Variants in ITPR1 observed in about 807,000 individuals in gnomAD.
The protein encoded by ITPR1 is inositol 1,4,5-trisphosphate receptor type 1, also known as inositol 1,4,5-trisphosphate-gated calcium channel ITPR1.
ITPR1 carries 96 observed loss-of-function variants against 318.4 expected under a neutral mutation model. The observed-to-expected ratio is 0.30, with a 90% CI of 0.26 to 0.36. The LOEUF (loss-of-function observed/expected upper bound fraction) is 0.36, where lower values mean the gene tolerates loss of function less well. Ranked by LOEUF, ITPR1 falls within the 10% of genes least tolerant of loss-of-function variation. The pLI is 1.00. For missense variants in ITPR1, 2,440 were observed against 3,460.2 expected (o/e 0.71, Z 7.40); for synonymous variants, 1,312 against 1,289.9 (o/e 1.02, Z -0.37).
chr3:4,690,757 T>C (rs1277431713), intron 31 of ITPR1, among the ~76,000 whole-genome samples: 1 of 152,176 alleles, frequency 6.6e-6, no homozygotes, highest in African/African-American at 2.4e-5. Context: ...GCAATGGAAC[T>C]TACATATCAG....
intron 3 of ITPR1, among the ~76,000 whole-genome samples, chr3:4,519,342 T>A (rs956634678): frequency 1.3e-5 from 2 of 152,204 alleles, no homozygotes; most frequent in African/African-American, 2.4e-5. Flanking sequence ...TTCATCTGCC[T>A]CAGCCTCCCA....
chr3:4,814,324 T>C lies in ITPR1; in HGVS notation c.7562-99T>C, dbSNP rs2049140962. 9.6e-6 allele frequency: 12 copies of C among 1,246,684 alleles called. No homozygotes were observed. The East Asian group carries it at 2.3e-4, about 24-fold the overall frequency. The allele number at this position is 1,246,684 out of a possible 1,614,324, so 77.2% of individuals were successfully genotyped here. ...TTGATTCCTTAATTTTATTCTTTCG[T>C]GTGCCTGGTGAGATGGCATTCAGGA... On this transcript the variant is annotated intron_variant, in intron 57 of 61. Coordinates refer to ENST00000649015, the MANE Select transcript of ITPR1 (RefSeq NM_001378452.1).
intron 14 of ITPR1, 52 bp downstream of exon 14, chr3:4,661,139 A>G (rs1345713516): frequency 9.4e-7 from 1 of 1,065,574 alleles, no homozygotes; most frequent in Admixed American, 1.8e-5. Flanking sequence ...TCCTAATGAA[A>G]GGGCTCCTTT....
At chr3:4,549,026 T>C (rs974311042) in intron 4 of ITPR1, among the ~76,000 whole-genome samples, 1 of 152,046 alleles carries the variant, frequency 6.6e-6, no homozygotes, top group Admixed American at 6.5e-5. Flanking sequence ...GGTCACAGAG[T>C]GCAAACAACA....
intron 40 of ITPR1, among the ~76,000 whole-genome samples, chr3:4,720,965 T>C (rs995794295): frequency 6.6e-6 from 1 of 151,972 alleles, no homozygotes; most frequent in African/African-American, 2.4e-5. Flanking sequence ...CTTTTTTTCC[T>C]GGAATTTAGG....
chr3:4,745,643 G>C (rs528119635), intron 44 of ITPR1, among the ~76,000 whole-genome samples: 174 of 152,186 alleles, frequency 1.1e-3, no homozygotes, highest in African/African-American at 3.9e-3. Context: ...GATCCCCTTG[G>C]GTAATCTCAT....
chr3:4,634,451 A>T (rs755892421), intron 5 of ITPR1, among the ~76,000 whole-genome samples: 1 of 151,808 alleles, frequency 6.6e-6, no homozygotes, highest in African/African-American at 2.4e-5. Flanking sequence ...AGCTGAAGCA[A>T]TCCACCCACC....
In ITPR1 at chr3:4,733,116, A is replaced by G. The variant is rs1405881173; in HGVS notation, c.5249A>G (p.Asn1750Ser). 1.2e-6 allele frequency: 2 copies of G among 1,613,528 alleles called. No individual in the cohort carries two copies. The highest frequency in any genetic ancestry group is 1.3e-5 in the African/African-American group (1 of 74,936). Reference sequence around the variant, plus strand: ...GAGGCGCTCAGGCAAGTTCTGGTCAACCGTTACTATGGAAACGTCAGACCT... The same window carrying G: ...GAGGCGCTCAGGCAAGTTCTGGTCAGCCGTTACTATGGAAACGTCAGACCT... ...RGEALRQVLV[N>S]RYYGNVRPSG... Residue 1750 changes from asparagine to serine, a missense_variant, in exon 43 of 62, where the codon AAC (asparagine) becomes AGC (serine). Asn to Ser is a conservative substitution (Grantham distance 46). Around this residue, in one of 23 missense-constraint regions of ITPR1, gnomAD observed 166 missense variants for 143.7 expected, o/e 1.16. Coordinates refer to ENST00000649015, the MANE Select transcript of ITPR1 (RefSeq NM_001378452.1).
At position 4,826,828 on chromosome 3, in the gene ITPR1, G is replaced by C. The variant is rs1186283321; in HGVS notation, c.8028+8586G>C. ...ACATTCTGACCTTCGTGGAGGGTGT[G>C]CCAGGTGCCGTTTGTAACAATGAGT... On this transcript the variant is annotated intron_variant, in intron 60 of 61. Coordinates refer to ENST00000649015, the MANE Select transcript of ITPR1 (RefSeq NM_001378452.1). The surrounding 1 kb of genome is among the most constrained non-coding windows in gnomAD (Gnocchi z 4.2). Among the ~76,000 whole-genome samples, 2 of 152,170 alleles carry C rather than the reference G, an allele frequency of 1.3e-5. No homozygotes were observed. The highest frequency in any genetic ancestry group is 2.9e-5 in the Non-Finnish European group (2 of 68,022).
At chr3:4,810,484 G>T (rs2048864540) in intron 55 of ITPR1, among the ~76,000 whole-genome samples, 1 of 152,216 alleles carries the variant, frequency 6.6e-6, no homozygotes, top group African/African-American at 2.4e-5. Flanking sequence ...AGCCTGGATT[G>T]TGAAGGCACT....
At chr3:4,641,160 T>C (rs2093328868) in intron 6 of ITPR1, among the ~76,000 whole-genome samples, 1 of 152,188 alleles carries the variant, frequency 6.6e-6, no homozygotes, top group East Asian at 1.9e-4. Context: ...GTCTTTCGTA[T>C]TCCCTTCCGC....
At chr3:4,759,591 T>C (rs564526464) in intron 44 of ITPR1, among the ~76,000 whole-genome samples, 2 of 152,348 alleles carry the variant, frequency 1.3e-5, no homozygotes, top group African/African-American at 4.8e-5. Context: ...TTTCAAGTGC[T>C]GCTCTCCTGA....
At chr3:4,728,757 G>A (rs1439307665) in intron 42 of ITPR1, among the ~76,000 whole-genome samples, 1 of 152,136 alleles carries the variant, frequency 6.6e-6, no homozygotes, top group African/African-American at 2.4e-5. Context: ...GAGAATTGAT[G>A]CCTGAGATAA....
chr3:4,761,113 A>G (rs1245324679), intron 44 of ITPR1, among the ~76,000 whole-genome samples: 1 of 152,150 alleles, frequency 6.6e-6, no homozygotes, highest in Admixed American at 6.5e-5. Flanking sequence ...CACCCTCCAG[A>G]GGCAACCACC....
Position 4,710,434 on chromosome 3 carries a change from A to C in ITPR1, c.4952A>C (p.Asp1651Ala). Residue 1651 changes from aspartate (D) to alanine (A), a missense_variant, in exon 38 of 62, where the codon GAC becomes GCC. By Grantham distance (126) the Asp-to-Ala change is moderately radical. Coordinates refer to ENST00000649015, the MANE Select transcript of ITPR1 (RefSeq NM_001378452.1). This position sits in a 1 kb window ranked among gnomAD's most constrained non-coding sequence, Gnocchi z 4.2. ...RPELLFPENT[D>A]ARRKCESGGF... ...GAGCTGCTTTTCCCAGAGAACACAG[A>C]CGCCAGAAGGAAATGTGAAAGTGGC... 6.4e-7 allele frequency: 1 copy of C among 1,554,360 alleles called. No homozygotes were observed. Among genetic ancestry groups the C allele is most frequent in the Non-Finnish European group, 8.7e-7 (1 of 1,148,198 alleles).
At chr3:4,505,389 C>T (rs190829257) in intron 2 of ITPR1, among the ~76,000 whole-genome samples, 43 of 152,304 alleles carry the variant, frequency 2.8e-4, no homozygotes, top group African/African-American at 9.6e-4. Flanking sequence ...GACGGGGTTT[C>T]GCCATGTTGG....
chr3:4,722,924 G>A (rs1292057327), intron 40 of ITPR1, among the ~76,000 whole-genome samples: 2 of 152,206 alleles, frequency 1.3e-5, no homozygotes, highest in Non-Finnish European at 1.5e-5. Flanking sequence ...CGAGGCAGGC[G>A]GATCACTTGA....
intron 11 of ITPR1, among the ~76,000 whole-genome samples, chr3:4,652,983 G>C (rs2093630274): frequency 6.6e-6 from 1 of 152,044 alleles, no homozygotes; most frequent in African/African-American, 2.4e-5. Context: ...ATGAGACTCT[G>C]TCTCAAAAAA....
At chr3:4,621,129 C>T (rs979493826) in intron 4 of ITPR1, among the ~76,000 whole-genome samples, 2 of 152,140 alleles carry the variant, frequency 1.3e-5, no homozygotes, top group African/African-American at 2.4e-5. Context: ...TAGGTACCAT[C>T]ACTGTATTAG....
Sources: allele counts gnomAD v4.1 joint callset (sites outside exome capture counted in the v4.1 genomes callset), GRCh38; gene constraint gnomAD v4.1.1; regional missense constraint gnomAD v4.1.1; non-coding constraint Gnocchi (gnomAD v3.1); transcripts MANE v1.5; gene names NCBI Gene and HGNC (gene_info 2026-07-23, HGNC 2026-07-21).